The following MGAT4C variants were observed in gnomAD, a reference collection of about 807,000 sequenced individuals.
MGAT4C encodes the protein alpha-1,3-mannosyl-glycoprotein 4-beta-N-acetylglucosaminyltransferase C.
MGAT4C carries 19 observed loss-of-function variants against 40.1 expected under a neutral mutation model. The ratio of observed to expected loss-of-function variants is 0.47; its 90% CI spans 0.33 to 0.70. MGAT4C has a LOEUF of 0.70. MGAT4C is among the 30% of genes least tolerant of loss of function. The pLI is 0.02. For missense variants in MGAT4C, 491 were observed against 563.2 expected, an observed-to-expected ratio of 0.87 and a Z score of 1.30; for synonymous variants, 181 against 187.1, an observed-to-expected ratio of 0.97 and a Z score of 0.27.
intron 1 of MGAT4C, among the ~76,000 whole-genome samples, chr12:86,814,445 A>G (rs1440912588): frequency 6.7e-6 from 1 of 149,206 alleles, no homozygotes; most frequent in East Asian, 1.9e-4. Context: ...TCTTTCAGCA[A>G]ATAAAGTTAC....
intron 2 of MGAT4C, among the ~76,000 whole-genome samples, chr12:86,482,577 C>G (rs1418358721): frequency 6.6e-6 from 1 of 151,860 alleles, no homozygotes; most frequent in African/African-American, 2.4e-5. Flanking sequence ...GAACAGAATT[C>G]CAACCTTATT....
intron 2 of MGAT4C, among the ~76,000 whole-genome samples, chr12:86,459,667 C>T (rs1315231953): frequency 8.2e-6 from 1 of 121,252 alleles, no homozygotes; most frequent in Non-Finnish European, 1.7e-5. Flanking sequence ...CAACCTTCCC[C>T]GCCCCCACTC....
In MGAT4C at chr12:85,974,726, T is replaced by G. The variant is rs114205412; in HGVS notation, c.*4563A>C. The G allele has an allele frequency of 2.1e-3, 319 of 150,870 alleles. 2 individuals are homozygous for G. Among genetic ancestry groups the G allele is most frequent in the African/African-American group, 7.1e-3 (295 of 41,390 alleles). 9.3% of individuals were successfully genotyped at this position (150,870 alleles called of 1,614,324 possible). A position where few individuals can be genotyped will look rare whatever the true frequency, so the allele number is the denominator to read the frequency against. On this transcript the variant is annotated 3_prime_UTR_variant, in exon 5 of 5. Transcript: ENST00000611864. ...AATGGCAATAACTAATCACATTGAATTTTGTTATGGCCTTTTTCTTCCTAA... is the reference window on the plus strand; with the variant it reads ...AATGGCAATAACTAATCACATTGAAGTTTGTTATGGCCTTTTTCTTCCTAA...
intron 1 of MGAT4C, among the ~76,000 whole-genome samples, chr12:86,240,195 A>G (rs930871835): frequency 6.8e-6 from 1 of 147,994 alleles, no homozygotes; most frequent in African/African-American, 2.6e-5. Context: ...CATATATATG[A>G]TATATATCAT....
intron 2 of MGAT4C, among the ~76,000 whole-genome samples, chr12:86,629,519 A>C (rs976860288): frequency 1.8e-4 from 28 of 152,070 alleles, no homozygotes; most frequent in Non-Finnish European, 2.4e-4. Flanking sequence ...CTCTCCTCAG[A>C]AAATGAAAAA....
chr12:86,744,473 A>G (rs1311519519), intron 1 of MGAT4C, among the ~76,000 whole-genome samples: 1 of 151,220 alleles, frequency 6.6e-6, no homozygotes, highest in Non-Finnish European at 1.5e-5. Context: ...CTCCTCCTTC[A>G]CTCCATCCAA....
intron 4 of MGAT4C, among the ~76,000 whole-genome samples, chr12:86,302,578 G>A (rs752491063): frequency 2.0e-5 from 3 of 150,182 alleles, no homozygotes; most frequent in African/African-American, 7.6e-5. Context: ...ACAGGCATAC[G>A]CCAACGTGCC....
At chr12:86,165,276 C>T (rs1207929178) in intron 1 of MGAT4C, among the ~76,000 whole-genome samples, 1 of 152,014 alleles carries the variant, frequency 6.6e-6, no homozygotes, top group Non-Finnish European at 1.5e-5. Context: ...TTGACAACAT[C>T]ACAAATATAT....
chr12:86,765,517 G>A (rs974559827), intron 1 of MGAT4C, among the ~76,000 whole-genome samples: 6 of 151,978 alleles, frequency 3.9e-5, no homozygotes, highest in African/African-American at 9.7e-5. Flanking sequence ...TATAGAGAAC[G>A]CCACAAAGAT....
intron 2 of MGAT4C, among the ~76,000 whole-genome samples, chr12:86,633,779 A>G (rs553834165): frequency 6.6e-6 from 1 of 152,238 alleles, no homozygotes; most frequent in Admixed American, 6.6e-5. Flanking sequence ...ATAAGATTTA[A>G]TCATATTTTG....
At chr12:86,140,875 C>T (rs776912922) in intron 1 of MGAT4C, among the ~76,000 whole-genome samples, 22 of 152,120 alleles carry the variant, frequency 1.4e-4, no homozygotes, top group African/African-American at 4.3e-4. Flanking sequence ...AGAAGAGATA[C>T]ATTTTTATTC....
intron 4 of MGAT4C, among the ~76,000 whole-genome samples, chr12:86,270,332 C>T (rs1010982038): frequency 4.6e-5 from 7 of 152,056 alleles, no homozygotes; most frequent in East Asian, 1.9e-4. Context: ...CCGCCCGCCT[C>T]GGCCTCCCAA....
intron 1 of MGAT4C, among the ~76,000 whole-genome samples, chr12:86,160,286 A>G (rs1885451201): frequency 6.6e-6 from 1 of 151,946 alleles, no homozygotes; most frequent in African/African-American, 2.4e-5. Context: ...CTTAATTTCA[A>G]TGTTTGCTCA....
chr12:86,394,506 T>TA (rs1956214092), intron 3 of MGAT4C, among the ~76,000 whole-genome samples: 1 of 143,200 alleles, frequency 7.0e-6, no homozygotes, highest in Non-Finnish European at 1.5e-5. Context: ...TATATATTTT[T>TA]TAAATATTTA....
chr12:86,801,117 T>C (rs550329951), intron 1 of MGAT4C, among the ~76,000 whole-genome samples: 1 of 151,932 alleles, frequency 6.6e-6, no homozygotes, highest in South Asian at 2.1e-4. Flanking sequence ...CATAAGCGTG[T>C]GGTGTAAAGG....
At chr12:86,611,456 T>TGATAGATAGATAGATAGATAGATA (rs5799787) in intron 2 of MGAT4C, among the ~76,000 whole-genome samples, 15 of 143,548 alleles carry the variant, frequency 1.0e-4, no homozygotes, top group South Asian at 2.3e-4. Context: ...GATAGATAGA[T>TGATAGATAGATAGATAGATAGATA]GATAGATAGA....
At chr12:86,262,573 T>C (rs1592611306) in intron 4 of MGAT4C, among the ~76,000 whole-genome samples, 2 of 152,210 alleles carry the variant, frequency 1.3e-5, no homozygotes, top group South Asian at 4.1e-4. Flanking sequence ...AAGATGTTTG[T>C]ATCTTCCACT....
intron 3 of MGAT4C, among the ~76,000 whole-genome samples, chr12:86,415,449 A>T (rs151299359): frequency 6.6e-6 from 1 of 152,064 alleles, no homozygotes; most frequent in Non-Finnish European, 1.5e-5. Context: ...GGGCATATGA[A>T]TACACAGGAG....
At chr12:86,680,136 T>G (rs887962879) in intron 2 of MGAT4C, among the ~76,000 whole-genome samples, 1 of 152,050 alleles carries the variant, frequency 6.6e-6, no homozygotes, top group Non-Finnish European at 1.5e-5. Context: ...CCCCACTATG[T>G]TAAAGATTAT....
Sources: gnomAD v4.1 joint callset for allele counts (sites outside exome capture counted in the v4.1 genomes callset) on GRCh38, gnomAD v4.1.1 for gene constraint, MANE v1.5 for transcripts, NCBI Gene and HGNC (gene_info 2026-07-23, HGNC 2026-07-21) for gene names.